The following PRKG1 variants were observed in gnomAD, a reference collection of about 807,000 sequenced individuals.
The protein encoded by PRKG1 is cGMP-dependent protein kinase 1.
In PRKG1, 35 loss-of-function variants were observed where a neutral mutation model predicts 88.1. That is an observed-to-expected ratio of 0.40 (90% CI 0.30 to 0.53). The LOEUF (loss-of-function observed/expected upper bound fraction) is 0.53. Ranked by LOEUF, PRKG1 falls within the 20% of genes least tolerant of loss-of-function variation. PRKG1 has a pLI of 0.59. For missense variants in PRKG1, 540 were observed against 839.8 expected (o/e 0.64, Z 4.41); for synonymous variants, 303 against 292.5 (o/e 1.04, Z -0.37).
At chr10:51,648,637 C>T (rs1428087113) in intron 3 of PRKG1, among the ~76,000 whole-genome samples, 3 of 152,098 alleles carry the variant, frequency 2.0e-5, no homozygotes, top group Non-Finnish European at 4.4e-5. Context: ...TGACAATTTG[C>T]TCTGTAAATA....
intron 4 of PRKG1, among the ~76,000 whole-genome samples, chr10:51,812,429 C>T (rs1839480145): frequency 6.6e-6 from 1 of 152,126 alleles, no homozygotes; most frequent in South Asian, 2.1e-4. Context: ...GGGGAAGAAT[C>T]GGGCCCTTTT....
At chr10:52,229,409 C>A (rs1840470938) in intron 9 of PRKG1, among the ~76,000 whole-genome samples, 1 of 152,156 alleles carries the variant, frequency 6.6e-6, no homozygotes, top group African/African-American at 2.4e-5. Context: ...TGGAACATGG[C>A]CAGGTCTTTT....
At chr10:51,268,131 AT>A (rs1170732793) in intron 2 of PRKG1, among the ~76,000 whole-genome samples, 1 of 152,122 alleles carries the variant, frequency 6.6e-6, no homozygotes, top group Non-Finnish European at 1.5e-5. Flanking sequence ...TTTTTTAGTG[AT>A]TTTCAAAAGG....
chr10:51,155,858 C>CT (rs1273251462), intron 2 of PRKG1, among the ~76,000 whole-genome samples: 1 of 151,908 alleles, frequency 6.6e-6, no homozygotes, highest in Non-Finnish European at 1.5e-5. Context: ...TACTCAATGT[C>CT]TATTCGTTTA....
At chr10:51,396,283 T>G (rs1046087828) in intron 2 of PRKG1, among the ~76,000 whole-genome samples, 3 of 152,004 alleles carry the variant, frequency 2.0e-5, no homozygotes, top group African/African-American at 7.2e-5. Flanking sequence ...TGCCTGTAGT[T>G]GTAGCCACTC....
At chr10:52,291,129 G>A (rs1392813592) in intron 17 of PRKG1, among the ~76,000 whole-genome samples, 1 of 151,698 alleles carries the variant, frequency 6.6e-6, no homozygotes, top group Non-Finnish European at 1.5e-5. Flanking sequence ...CACCATGTTG[G>A]CCAGGCTGGT....
chr10:52,037,084 G>A (rs1240488828), intron 5 of PRKG1, among the ~76,000 whole-genome samples: 1 of 152,276 alleles, frequency 6.6e-6, no homozygotes, highest in Admixed American at 6.5e-5. Flanking sequence ...TTGGGCCAGA[G>A]TTCCAGGGGC....
intron 1 of PRKG1, among the ~76,000 whole-genome samples, chr10:51,134,893 C>CCAGT (rs761741257): frequency 6.6e-6 from 1 of 151,926 alleles, no homozygotes; most frequent in East Asian, 1.9e-4. Flanking sequence ...ACCCAATAAA[C>CCAGT]CAGTGTATAT....
chr10:51,451,136 G>A (rs1258857938), intron 2 of PRKG1, among the ~76,000 whole-genome samples: 1 of 151,746 alleles, frequency 6.6e-6, no homozygotes, highest in Non-Finnish European at 1.5e-5. Flanking sequence ...AAATAAATTT[G>A]TGATTTACTA....
rs750484133 is a variant in PRKG1 at position 52,280,946 on chromosome 10, A to C, written c.1545+16A>C. 3.1e-6 allele frequency: 5 copies of C among 1,608,574 alleles called. No homozygotes were observed. Among genetic ancestry groups the C allele is most frequent in the Non-Finnish European group, 4.2e-6 (5 of 1,176,812 alleles). On this transcript the variant is annotated intron_variant, in intron 13 of 17. Coordinates refer to ENST00000373980, the MANE Select transcript of PRKG1 (RefSeq NM_006258.4). ...TGCCAAACTGGTCAGTGCATTTCAT[A>C]CGTGCTTTCTGCCCTGCAGATTAAA... is the stretch of plus-strand genomic sequence containing the variant.
intron 5 of PRKG1, among the ~76,000 whole-genome samples, chr10:51,944,984 A>C (rs879583851): frequency 8.1e-4 from 122 of 151,222 alleles, no homozygotes; most frequent in Non-Finnish European, 1.4e-3. Context: ...CTTGGTGCAG[A>C]GCTGAGTTCA....
chr10:52,039,571 T>C (rs16926050), intron 5 of PRKG1, among the ~76,000 whole-genome samples: 7,516 of 152,180 alleles, frequency 0.049, 638 homozygotes, highest in East Asian at 0.44. Context: ...AGTAAACATA[T>C]TGAAATGCTA....
intron 10 of PRKG1, among the ~76,000 whole-genome samples, chr10:52,255,397 A>G (rs1841283919): frequency 6.6e-6 from 1 of 152,060 alleles, no homozygotes; most frequent in Non-Finnish European, 1.5e-5. Context: ...ATTTTTTAAT[A>G]TGCCAATAAT....
chr10:51,590,006 G>C (rs1838269746), intron 3 of PRKG1, among the ~76,000 whole-genome samples: 1 of 152,142 alleles, frequency 6.6e-6, no homozygotes, highest in Admixed American at 6.6e-5. Context: ...AATGCAGCCT[G>C]CTTACTGTTG....
intron 2 of PRKG1, among the ~76,000 whole-genome samples, chr10:51,357,846 T>C (rs1162912655): frequency 2.6e-5 from 4 of 151,950 alleles, no homozygotes; most frequent in African/African-American, 7.2e-5. Flanking sequence ...TCTTGAAATA[T>C]GCTTTAATAT....
rs181270695 is a variant in PRKG1 at position 51,699,139 on chromosome 10, C to T, written c.593-105446C>T. ...GCTTCATCAGCTCAAACATCTGCTCCGGGGGGAGACTGGCTACTGCTCTGG... is the reference window on the plus strand; with the variant it reads ...GCTTCATCAGCTCAAACATCTGCTCTGGGGGGAGACTGGCTACTGCTCTGG... On this transcript the variant is annotated intron_variant, in intron 3 of 17. Transcript: ENST00000373980. The T allele has an allele frequency of 1.7e-4, 272 of 1,614,160 alleles. 1 individual carries two copies. In the East Asian group the frequency reaches 5.0e-3, roughly 30 times the overall value.
chr10:51,224,025 A>G (rs1275192890), intron 2 of PRKG1, among the ~76,000 whole-genome samples: 2 of 152,198 alleles, frequency 1.3e-5, no homozygotes, highest in Non-Finnish European at 2.9e-5. Flanking sequence ...TGTAAAAAAG[A>G]AGCAAGCATA....
chr10:51,021,436 A>G (rs1843135657), intron 1 of PRKG1, among the ~76,000 whole-genome samples: 2 of 152,176 alleles, frequency 1.3e-5, no homozygotes, highest in African/African-American at 4.8e-5. Context: ...TACCAAATCT[A>G]GGAAACTTTC....
intron 3 of PRKG1, among the ~76,000 whole-genome samples, chr10:51,690,931 A>G (rs904063317): frequency 8.0e-5 from 12 of 149,300 alleles, no homozygotes; most frequent in Admixed American, 8.0e-4. Flanking sequence ...TGTCTCAAAA[A>G]AAAAAAAAAA....
Sources: gnomAD v4.1 joint callset for allele counts (sites outside exome capture counted in the v4.1 genomes callset) on GRCh38, gnomAD v4.1.1 for gene constraint, MANE v1.5 for transcripts, NCBI Gene and HGNC (gene_info 2026-07-23, HGNC 2026-07-21) for gene names.